The following HS3ST2 variants were observed in gnomAD, a reference collection of about 807,000 sequenced individuals.
The protein encoded by HS3ST2 is heparan sulfate glucosamine 3-O-sulfotransferase 2.
Under a neutral mutation model 26.3 loss-of-function variants are expected in HS3ST2, and 17 were observed. The ratio of observed to expected loss-of-function variants is 0.65; its 90% confidence interval spans 0.44 to 0.97. HS3ST2 has a LOEUF of 0.97. Among genes scored for constraint, HS3ST2 ranks in the 50% least tolerant of loss-of-function variants. The pLI, the probability that HS3ST2 is intolerant of heterozygous loss-of-function variation, is 0.00. For synonymous variants in HS3ST2, 237 were observed against 219.2 expected (o/e 1.08, Z -0.72); for missense variants, 402 against 501.2 (o/e 0.80, Z 1.89).
intron 1 of HS3ST2, among the ~76,000 whole-genome samples, chr16:22,882,307 A>G (rs1236786765): frequency 6.6e-6 from 1 of 152,190 alleles, no homozygotes; most frequent in Non-Finnish European, 1.5e-5. Flanking sequence ...GGCTACAGTG[A>G]ACTGTGATTA....
At chr16:22,897,539 C>T (rs1902226507) in intron 1 of HS3ST2, among the ~76,000 whole-genome samples, 1 of 152,210 alleles carries the variant, frequency 6.6e-6, no homozygotes, top group Non-Finnish European at 1.5e-5. Flanking sequence ...GTGTTTAGAT[C>T]AATTTACATT....
At chr16:22,822,722 G>A (rs1901014499) in intron 1 of HS3ST2, among the ~76,000 whole-genome samples, 1 of 152,100 alleles carries the variant, frequency 6.6e-6, no homozygotes, top group Admixed American at 6.5e-5. Flanking sequence ...GGGCGTGGTG[G>A]CGTGCGCCTG....
intron 1 of HS3ST2, among the ~76,000 whole-genome samples, chr16:22,887,381 T>C (rs1820227187): frequency 6.6e-6 from 1 of 152,214 alleles, no homozygotes; most frequent in Non-Finnish European, 1.5e-5. Flanking sequence ...ATAGCCATCT[T>C]CTTGCTGTGT....
intron 1 of HS3ST2, among the ~76,000 whole-genome samples, chr16:22,852,349 G>C (rs1901529626): frequency 6.6e-6 from 1 of 152,166 alleles, no homozygotes; most frequent in Admixed American, 6.6e-5. Context: ...CATGATTGTG[G>C]TAGTAAATAG....
At chr16:22,819,863 C>G (rs183665652) in intron 1 of HS3ST2, among the ~76,000 whole-genome samples, 108 of 152,326 alleles carry the variant, frequency 7.1e-4, no homozygotes, top group Non-Finnish European at 1.3e-3. Context: ...AATTGCAAAG[C>G]CCAATTCTGG....
intron 1 of HS3ST2, among the ~76,000 whole-genome samples, chr16:22,855,155 A>G (rs539401558): frequency 5.3e-4 from 81 of 152,198 alleles, no homozygotes; most frequent in Non-Finnish European, 1.6e-4. Context: ...ATTTTATGAC[A>G]TTGGCATTTT....
chr16:22,889,946 TTG>T (rs1320205280), intron 1 of HS3ST2, among the ~76,000 whole-genome samples: 1 of 152,188 alleles, frequency 6.6e-6, no homozygotes, highest in African/African-American at 2.4e-5. Context: ...GACTAAATTA[TTG>T]CCTTTTCAGC....
At chr16:22,882,492 G>C (rs1902001515) in intron 1 of HS3ST2, among the ~76,000 whole-genome samples, 1 of 152,208 alleles carries the variant, frequency 6.6e-6, no homozygotes, top group South Asian at 2.1e-4. Context: ...CCAGCAATTT[G>C]GGAGGCTGAG....
intron 1 of HS3ST2, among the ~76,000 whole-genome samples, chr16:22,895,583 A>T (rs1401105480): frequency 6.6e-6 from 1 of 152,142 alleles, no homozygotes; most frequent in Non-Finnish European, 1.5e-5. Flanking sequence ...GGGTGGTCGT[A>T]TGAACACAAA....
intron 1 of HS3ST2, among the ~76,000 whole-genome samples, chr16:22,913,201 A>C (rs1902448234): frequency 6.7e-6 from 1 of 149,596 alleles, no homozygotes. Context: ...GAAGGAAGGG[A>C]CTTCTCGGGT....
intron 1 of HS3ST2, among the ~76,000 whole-genome samples, chr16:22,896,444 A>G (rs559562643): frequency 3.3e-5 from 5 of 152,314 alleles, no homozygotes; most frequent in Admixed American, 1.3e-4. Context: ...GGTCTCTTTA[A>G]TGAAATCTTT....
intron 1 of HS3ST2, among the ~76,000 whole-genome samples, chr16:22,884,726 T>C (rs1421107953): frequency 1.3e-5 from 2 of 148,778 alleles, no homozygotes; most frequent in Non-Finnish European, 3.0e-5. Flanking sequence ...TTGTAGAAAG[T>C]TAGTCAGGCT....
chr16:22,904,342 A>T (rs1175392677), intron 1 of HS3ST2, among the ~76,000 whole-genome samples: 2 of 152,226 alleles, frequency 1.3e-5, no homozygotes, highest in Non-Finnish European at 2.9e-5. Context: ...GAATAAATCC[A>T]TGATTGCATA....
intron 1 of HS3ST2, among the ~76,000 whole-genome samples, chr16:22,900,956 G>A (rs761742976): frequency 1.1e-4 from 16 of 152,116 alleles, no homozygotes; most frequent in Non-Finnish European, 1.8e-4. Flanking sequence ...CAGGACTGTC[G>A]CAGGAGCAGG....
intron 1 of HS3ST2, among the ~76,000 whole-genome samples, chr16:22,837,278 A>G (rs1227551983): frequency 6.6e-6 from 1 of 151,848 alleles, no homozygotes; most frequent in Non-Finnish European, 1.5e-5. Context: ...AGGGATAATA[A>G]TCATACTGGG....
intron 1 of HS3ST2, among the ~76,000 whole-genome samples, chr16:22,837,942 A>G (rs949808686): frequency 6.6e-6 from 1 of 152,124 alleles, no homozygotes; most frequent in African/African-American, 2.4e-5. Context: ...TTTTACATTC[A>G]TCTACTGTTT....
intron 1 of HS3ST2, among the ~76,000 whole-genome samples, chr16:22,828,110 G>T (rs1901116588): frequency 6.6e-6 from 1 of 152,110 alleles, no homozygotes; most frequent in Non-Finnish European, 1.5e-5. Context: ...TGGCTTGACT[G>T]GTCCTGTCTA....
intron 1 of HS3ST2, among the ~76,000 whole-genome samples, chr16:22,815,302 C>G (rs1176885939): frequency 2.6e-5 from 4 of 152,240 alleles, no homozygotes; most frequent in Non-Finnish European, 5.9e-5. Flanking sequence ...CTGCAAAGGG[C>G]GTTCCCTCGT....
intron 1 of HS3ST2, among the ~76,000 whole-genome samples, chr16:22,894,211 G>A (rs1242183048): frequency 6.6e-6 from 1 of 152,142 alleles, no homozygotes; most frequent in Admixed American, 6.5e-5. Context: ...CCGCTTGTCA[G>A]GTGGGAGTAG....
Sources: allele counts gnomAD v4.1 joint callset (sites outside exome capture counted in the v4.1 genomes callset), GRCh38; gene constraint gnomAD v4.1.1; transcripts MANE v1.5; gene names NCBI Gene and HGNC (gene_info 2026-07-23, HGNC 2026-07-21).